EXOC6: variants seen among roughly 807,000 people sequenced by gnomAD.
EXOC6 encodes SEC15-like 1.
EXOC6 carries 60 observed loss-of-function variants against 112.5 expected under a neutral mutation model. The ratio of observed to expected loss-of-function variants is 0.53; its 90% CI spans 0.43 to 0.66. EXOC6 has a LOEUF of 0.66. EXOC6 is among the 30% of genes least tolerant of loss of function. EXOC6 has a pLI of 0.00. For synonymous variants in EXOC6, 295 were observed against 308.0 expected, an observed-to-expected ratio of 0.96 and a Z score of 0.44; for missense variants, 855 against 957.1, an observed-to-expected ratio of 0.89 and a Z score of 1.41.
At chr10:92,981,681 A>C (rs1489633122) in intron 18 of EXOC6, among the ~76,000 whole-genome samples, 1 of 152,198 alleles carries the variant, frequency 6.6e-6, no homozygotes, top group African/African-American at 2.4e-5. Context: ...GGGATATTAA[A>C]TTAGTAGATA....
At chr10:92,856,212 T>C (rs1348841063) in intron 1 of EXOC6, among the ~76,000 whole-genome samples, 1 of 151,912 alleles carries the variant, frequency 6.6e-6, no homozygotes, top group African/African-American at 2.4e-5. Flanking sequence ...TCTTTATTAC[T>C]TTCTTTCTTC....
At chr10:92,910,697 A>G (rs945936700) in intron 6 of EXOC6, among the ~76,000 whole-genome samples, 8 of 152,194 alleles carry the variant, frequency 5.3e-5, no homozygotes, top group African/African-American at 1.9e-4. Flanking sequence ...TTGGGAGGCA[A>G]GGCGGGCAGA....
At chr10:93,038,851 A>T (rs971256511) in intron 20 of EXOC6, among the ~76,000 whole-genome samples, 1 of 152,234 alleles carries the variant, frequency 6.6e-6, no homozygotes, top group Non-Finnish European at 1.5e-5. Flanking sequence ...AAACAAACAT[A>T]CAAAGGAAAA....
intron 19 of EXOC6, among the ~76,000 whole-genome samples, chr10:93,004,626 C>T (rs1182873014): frequency 1.3e-5 from 2 of 151,920 alleles, no homozygotes; most frequent in East Asian, 3.9e-4. Context: ...TGTAAATTTT[C>T]TTTGGATCTT....
intron 18 of EXOC6, among the ~76,000 whole-genome samples, chr10:92,974,597 C>CG (rs1327894523): frequency 0.011 from 1,698 of 149,930 alleles, 43 homozygotes; most frequent in African/African-American, 0.039. Flanking sequence ...TCTCTTTCCA[C>CG]GTCTCCCTCT....
chr10:92,986,596 TC>T (rs1410078828), intron 18 of EXOC6, among the ~76,000 whole-genome samples: 1 of 151,580 alleles, frequency 6.6e-6, no homozygotes, highest in East Asian at 1.9e-4. Flanking sequence ...TACTGGAAGT[TC>T]AGCTTCCACT....
At chr10:92,901,239 A>T (rs1850151447) in intron 5 of EXOC6, 1 of 152,080 alleles carries the variant, frequency 6.6e-6, no homozygotes, top group African/African-American at 2.4e-5. Context: ...TTAATAAGTA[A>T]TATGTGGGTC....
At chr10:93,015,499 C>T (rs186680658) in intron 20 of EXOC6, among the ~76,000 whole-genome samples, 36 of 152,206 alleles carry the variant, frequency 2.4e-4, no homozygotes, top group Admixed American at 1.3e-3. Flanking sequence ...TTTGGGAGGC[C>T]GAGGCGGATG....
intron 20 of EXOC6, among the ~76,000 whole-genome samples, chr10:93,037,856 G>A (rs7902902): frequency 0.37 from 55,186 of 149,854 alleles, 11,452 homozygotes; most frequent in East Asian, 0.78. Flanking sequence ...TCGAGACCAC[G>A]GTGAAACCCC....
At chr10:93,047,371 A>G (rs1196705473) in intron 20 of EXOC6, among the ~76,000 whole-genome samples, 1 of 151,738 alleles carries the variant, frequency 6.6e-6, no homozygotes, top group African/African-American at 2.4e-5. Context: ...CGTTGTCTCT[A>G]CTAAAAATGC....
At chr10:93,022,100 T>C (rs1475366) in intron 20 of EXOC6, among the ~76,000 whole-genome samples, 13,306 of 152,242 alleles carry the variant, frequency 0.087, 637 homozygotes, top group Admixed American at 0.15. Flanking sequence ...TTTACAAGTA[T>C]ATAGCTCACT....
chr10:92,928,838 G>C (rs1375429833), intron 9 of EXOC6, among the ~76,000 whole-genome samples: 1 of 152,160 alleles, frequency 6.6e-6, no homozygotes, highest in Admixed American at 6.5e-5. Flanking sequence ...TCTATATATT[G>C]GTTGTGGTGA....
chr10:92,920,536 C>T (rs1209370477), intron 8 of EXOC6, among the ~76,000 whole-genome samples: 1 of 152,124 alleles, frequency 6.6e-6, no homozygotes, highest in African/African-American at 2.4e-5. Flanking sequence ...CCCCTCCAAC[C>T]ACCCCCAAAA....
intron 17 of EXOC6, among the ~76,000 whole-genome samples, chr10:92,969,107 T>C (rs1029411998): frequency 1.3e-5 from 2 of 152,170 alleles, no homozygotes; most frequent in East Asian, 3.9e-4. Context: ...TTTGAGACTT[T>C]AGACTTCTGA....
intron 20 of EXOC6, 146 bp from the exon 21 acceptor site, chr10:93,056,778 T>C: frequency 1.7e-6 from 1 of 598,768 alleles, no homozygotes; most frequent in East Asian, 3.3e-5. Flanking sequence ...TAAAGTACAG[T>C]TAATGAAGTT....
At chr10:92,991,385 G>T (rs148354913) in intron 18 of EXOC6, among the ~76,000 whole-genome samples, 2,193 of 141,176 alleles carry the variant, frequency 0.016, 54 homozygotes, top group African/African-American at 0.055. Context: ...GCAGTGAGCC[G>T]AAATGGTGCC....
intron 8 of EXOC6, among the ~76,000 whole-genome samples, chr10:92,922,256 T>A (rs1376093345): frequency 3.3e-5 from 5 of 152,120 alleles, no homozygotes; most frequent in African/African-American, 1.2e-4. Context: ...ACTAATTTCT[T>A]ATTATTGTTA....
At chr10:93,031,883 A>G (rs1159001839) in intron 20 of EXOC6, among the ~76,000 whole-genome samples, 2 of 152,178 alleles carry the variant, frequency 1.3e-5, no homozygotes, top group African/African-American at 4.8e-5. Context: ...CTAATAAGAC[A>G]AATGCACATA....
At chr10:92,829,908 G>C (rs1327095819), upstream of EXOC6, among the ~76,000 whole-genome samples, 1 of 152,090 alleles carries the variant, frequency 6.6e-6, no homozygotes, top group Non-Finnish European at 1.5e-5. Flanking sequence ...CCAGCACCAT[G>C]ACAATTTACA....
Sources: allele counts gnomAD v4.1 joint callset (sites outside exome capture counted in the v4.1 genomes callset), GRCh38; gene constraint gnomAD v4.1.1; transcripts MANE v1.5; gene names NCBI Gene and HGNC (gene_info 2026-07-23, HGNC 2026-07-21).